PLAC1: variants seen among roughly 807,000 people sequenced by gnomAD.
PLAC1 encodes the protein placenta-specific protein 1.
For missense variants in PLAC1, 136 were observed against 163.2 expected, an observed-to-expected ratio of 0.83 and a Z score of 0.91; for synonymous variants, 68 against 62.1, an observed-to-expected ratio of 1.09 and a Z score of -0.44.
At chrX:134,590,159 C>A (rs1475206652) in intron 2 of PLAC1, among the ~76,000 whole-genome samples, 1 of 110,421 alleles carries the variant, frequency 9.1e-6, no homozygotes, top group African/African-American at 3.3e-5. Context: ...CACGCCACTG[C>A]ACTCCAGCCT....
At chrX:134,617,760 T>C (rs757186510) in intron 1 of PLAC1, among the ~76,000 whole-genome samples, 18 of 112,296 alleles carry the variant, frequency 1.6e-4, no homozygotes, top group Non-Finnish European at 2.8e-4. Flanking sequence ...AGCCTTTCCA[T>C]GTGCCCAGCT....
upstream of PLAC1, among the ~76,000 whole-genome samples, chrX:134,659,674 T>C (rs895946760): frequency 2.7e-5 from 3 of 112,468 alleles, no homozygotes; most frequent in Non-Finnish European, 5.6e-5. Flanking sequence ...AAGTGCTTAA[T>C]TATGTGCCAG....
chrX:134,701,093 A>C (rs759566745), intron 2 of PLAC1, among the ~76,000 whole-genome samples: 22 of 112,104 alleles, frequency 2.0e-4, no homozygotes, highest in Middle Eastern at 4.6e-3. Context: ...ACAGACACAT[A>C]GATCAATGGA....
At chrX:134,630,480 C>T (rs1040548278) in intron 1 of PLAC1, among the ~76,000 whole-genome samples, 3 of 111,707 alleles carry the variant, frequency 2.7e-5, no homozygotes, top group Non-Finnish European at 5.6e-5. Flanking sequence ...CATATGAATA[C>T]TAGGGGCACT....
At chrX:134,682,151 T>C (rs2078499846) in intron 2 of PLAC1, among the ~76,000 whole-genome samples, 1 of 112,452 alleles carries the variant, frequency 8.9e-6, no homozygotes, top group Non-Finnish European at 1.9e-5. Context: ...TTGATGATCA[T>C]TGTCTAAATC....
chrX:134,569,911 C>T (rs1389114031), intron 2 of PLAC1, among the ~76,000 whole-genome samples: 1 of 110,064 alleles, frequency 9.1e-6, no homozygotes, highest in African/African-American at 3.3e-5. Flanking sequence ...CTGCAACCTC[C>T]GCCTCCTGGG....
chrX:134,649,412 G>A lies in PLAC1; in HGVS notation c.-131+8916C>T, dbSNP rs959327934. Among the ~76,000 whole-genome samples, 42 of 111,194 alleles carry A rather than the reference G, an allele frequency of 3.8e-4. 1 individual carries two copies. The highest frequency in any genetic ancestry group is 1.4e-3 in the African/African-American group (42 of 30,477). On this transcript the variant is annotated intron_variant, in intron 1 of 2. Transcript: ENST00000359237. ...TGGAAATACGCTATGATGCCTTGCTGTTGCACATGTATTCCGGACTCCTTG... is the reference window on the plus strand; with the variant it reads ...TGGAAATACGCTATGATGCCTTGCTATTGCACATGTATTCCGGACTCCTTG...
At chrX:134,729,327 G>A (rs939912398) in intron 2 of PLAC1, among the ~76,000 whole-genome samples, 58 of 111,884 alleles carry the variant, frequency 5.2e-4, no homozygotes, top group Admixed American at 7.6e-4. Flanking sequence ...GTGTTTATAT[G>A]TATTCAAGTT....
chrX:134,592,710 C>T (rs770436584), intron 2 of PLAC1, among the ~76,000 whole-genome samples: 1 of 100,014 alleles, frequency 1.0e-5, no homozygotes, highest in Non-Finnish European at 2.0e-5. Context: ...CAATCTCTCT[C>T]TCTGTGTCTC....
chrX:134,652,190 T>A (rs1353911650), intron 1 of PLAC1, among the ~76,000 whole-genome samples: 1 of 111,684 alleles, frequency 9.0e-6, no homozygotes, highest in African/African-American at 3.3e-5. Context: ...GGAAAAGAGC[T>A]TAGGCTGGAA....
intron 2 of PLAC1, among the ~76,000 whole-genome samples, chrX:134,588,319 T>TTTAC (rs1249740206): frequency 4.7e-5 from 5 of 105,835 alleles, no homozygotes; most frequent in African/African-American, 1.7e-4. Flanking sequence ...TATTTATTTA[T>TTTAC]TTATTTATTT....
chrX:134,756,641 G>A (rs1025230569), intron 1 of PLAC1, among the ~76,000 whole-genome samples: 1 of 110,189 alleles, frequency 9.1e-6, no homozygotes, highest in African/African-American at 3.3e-5. Flanking sequence ...CGAGGTCAGG[G>A]TATCGAGACC....
chrX:134,652,147 A>G (rs1039795656), intron 1 of PLAC1, among the ~76,000 whole-genome samples: 1 of 111,729 alleles, frequency 9.0e-6, no homozygotes, highest in Non-Finnish European at 1.9e-5. Context: ...ACAGTGACCC[A>G]GAGGCAAATA....
At chrX:134,666,496 C>T (rs745957823) in intron 2 of PLAC1, among the ~76,000 whole-genome samples, 1 of 111,487 alleles carries the variant, frequency 9.0e-6, no homozygotes, top group South Asian at 3.9e-4. Context: ...TAGCTTAAAC[C>T]GAGAGTGGGC....
rs773702512 is a variant in PLAC1 at position 134,706,338 on chromosome X, A to G, written n.174+27097T>C. On this transcript the variant is annotated intron_variant and non_coding_transcript_variant, in intron 2 of 2. Coordinates refer to the PLAC1 transcript ENST00000466797. Reference sequence around the variant, plus strand: ...AAGTGGGAAGCTGTGACTGTAATAAATCTCCTTTCTCCACAGTGACAGTAG... The same window carrying G: ...AAGTGGGAAGCTGTGACTGTAATAAGTCTCCTTTCTCCACAGTGACAGTAG... Among the ~76,000 whole-genome samples the G allele has an allele frequency of 1.3e-4, 14 of 111,979 alleles. No individual in the cohort carries two copies. In the South Asian group the frequency reaches 5.3e-3, roughly 42 times the overall value.
chrX:134,673,244 G>T (rs1281315239), intron 2 of PLAC1, among the ~76,000 whole-genome samples: 1 of 104,798 alleles, frequency 9.5e-6, no homozygotes. Flanking sequence ...ATGGAGGAAA[G>T]GAGAGAGGGA....
chrX:134,689,623 G>A lies in PLAC1; in HGVS notation n.174+43812C>T, dbSNP rs189295671. Among the ~76,000 whole-genome samples the A allele has an allele frequency of 2.6e-4, 29 of 111,532 alleles. No homozygotes were observed. In the East Asian group the frequency reaches 6.2e-3, roughly 24 times the overall value. On this transcript the variant is annotated intron_variant and non_coding_transcript_variant, in intron 2 of 2. Transcript: ENST00000466797. ...TTTGAAAATACTGACAGAGTTGGGA[G>A]ACCTGGATATCAGTACTGGCCCTGC...
intron 2 of PLAC1, among the ~76,000 whole-genome samples, chrX:134,703,059 T>C (rs1229792958): frequency 3.6e-5 from 4 of 111,760 alleles, no homozygotes; most frequent in African/African-American, 1.3e-4. Flanking sequence ...CATAAAAGAC[T>C]GAGGGAATAA....
intron 1 of PLAC1, among the ~76,000 whole-genome samples, chrX:134,635,625 C>A (rs2078279776): frequency 9.0e-6 from 1 of 111,700 alleles, no homozygotes; most frequent in Admixed American, 9.5e-5. Context: ...CAGGCATGAG[C>A]CACCTCACCC....
Sources: gnomAD v4.1 joint callset for allele counts (sites outside exome capture counted in the v4.1 genomes callset) on GRCh38, gnomAD v4.1.1 for gene constraint, MANE v1.5 for transcripts, NCBI Gene and HGNC (gene_info 2026-07-23, HGNC 2026-07-21) for gene names.